RAP1A: variants seen among roughly 807,000 people sequenced by gnomAD.
RAP1A encodes the protein RAP1A, member of RAS oncogene family.
Under a neutral mutation model 26.4 loss-of-function variants are expected in RAP1A, and 6 were observed. The observed-to-expected ratio is 0.23, with a 90% CI of 0.12 to 0.45. RAP1A has a LOEUF of 0.45. Among genes scored for constraint, RAP1A ranks in the 20% least tolerant of loss-of-function variants. RAP1A has a pLI of 0.99. For missense variants in RAP1A, 121 were observed against 217.2 expected (o/e 0.56, Z 2.78); for synonymous variants, 73 against 79.4 (o/e 0.92, Z 0.43).
At chr1:111,569,770 G>A (rs1658011039) in intron 1 of RAP1A, among the ~76,000 whole-genome samples, 1 of 152,002 alleles carries the variant, frequency 6.6e-6, no homozygotes, top group Non-Finnish European at 1.5e-5. Flanking sequence ...GATAGTGTTT[G>A]GTATACATGT....
At chr1:111,669,026 G>GAAAAAAAAAAAAAAAAAAAAAAAAA (rs58557062) in intron 1 of RAP1A, among the ~76,000 whole-genome samples, 1 of 19,846 alleles carries the variant, frequency 5.0e-5, no homozygotes, top group African/African-American at 1.4e-4. Flanking sequence ...CCTATCTCAA[G>GAAAAAAAAAAAAAAAAAAAAAAAAA]AAAAAAAAAA....
upstream of RAP1A, among the ~76,000 whole-genome samples, chr1:111,618,907 C>T (rs571542295): frequency 2.0e-5 from 3 of 152,336 alleles, no homozygotes; most frequent in South Asian, 2.1e-4. Flanking sequence ...TTACTGGTAT[C>T]CCAAGGACAT....
At chr1:111,626,380 C>T (rs1214303769) in intron 1 of RAP1A, among the ~76,000 whole-genome samples, 1 of 150,946 alleles carries the variant, frequency 6.6e-6, no homozygotes, top group African/African-American at 2.5e-5. Context: ...TACACACACA[C>T]ACACACACAC....
intron 1 of RAP1A, among the ~76,000 whole-genome samples, chr1:111,636,463 TA>T (rs1250711266): frequency 2.0e-5 from 3 of 151,892 alleles, no homozygotes; most frequent in Non-Finnish European, 4.4e-5. Context: ...GTGTGTTTGG[TA>T]GTTTGTGAAG....
At chr1:111,665,695 G>A (rs1660780507) in intron 1 of RAP1A, among the ~76,000 whole-genome samples, 1 of 152,180 alleles carries the variant, frequency 6.6e-6, no homozygotes, top group Admixed American at 6.5e-5. Context: ...AACAGGATAT[G>A]CATTCACTGT....
chr1:111,656,722 C>G (rs548354097), intron 1 of RAP1A, among the ~76,000 whole-genome samples: 30 of 152,046 alleles, frequency 2.0e-4, no homozygotes, highest in African/African-American at 7.2e-4. Context: ...GGTTCCCCCC[C>G]GCCACTGCCT....
At chr1:111,655,576 T>A in intron 1 of RAP1A, among the ~76,000 whole-genome samples, 1 of 151,198 alleles carries the variant, frequency 6.6e-6, no homozygotes, top group Non-Finnish European at 1.5e-5. Context: ...AGGGATATGG[T>A]GAAATGGGAC....
At chr1:111,610,517 C>T (rs1221284976) in intron 1 of RAP1A, among the ~76,000 whole-genome samples, 1 of 148,808 alleles carries the variant, frequency 6.7e-6, no homozygotes, top group Non-Finnish European at 1.5e-5. Context: ...TCCTATTCCA[C>T]TACTTCCCTC....
At chr1:111,598,308 G>A (rs1658596690) in intron 1 of RAP1A, among the ~76,000 whole-genome samples, 1 of 152,012 alleles carries the variant, frequency 6.6e-6, no homozygotes, top group East Asian at 1.9e-4. Context: ...AACAACCCTA[G>A]GAGGTAGATA....
chr1:111,555,446 GTAATAATTAAA>G (rs1234449786), intron 1 of RAP1A, among the ~76,000 whole-genome samples: 1 of 143,590 alleles, frequency 7.0e-6, no homozygotes, highest in Non-Finnish European at 1.5e-5. Flanking sequence ...AATTTTTAAT[GTAATAATTAAA>G]TTTGAAACTC....
chr1:111,715,325 C>CCG lies in RAP1A; in HGVS notation c.*2925_*2926insGC, dbSNP rs1315542844. 1 of 151,230 alleles carries CCG rather than the reference C, an allele frequency of 6.6e-6. No individual in the cohort carries two copies. Among genetic ancestry groups the CCG allele is most frequent in the Non-Finnish European group, 1.5e-5 (1 of 67,728 alleles). 9.4% of individuals were successfully genotyped at this position (151,230 alleles called of 1,614,324 possible). A position where few individuals can be genotyped will look rare whatever the true frequency, so the allele number is the denominator to read the frequency against. On this transcript the variant is annotated 3_prime_UTR_variant, in exon 8 of 8. Coordinates refer to ENST00000369709, the MANE Select transcript of RAP1A (RefSeq NM_002884.4). ...ACTCCTGACTTCGTGATCCGCCCCC[C>CCG]CCTCAGCCTCCCAAAGTGCTGGGAT... is the stretch of plus-strand genomic sequence containing the variant.
At chr1:111,670,823 A>G (rs1220287619) in intron 1 of RAP1A, among the ~76,000 whole-genome samples, 1 of 152,242 alleles carries the variant, frequency 6.6e-6, no homozygotes, top group Non-Finnish European at 1.5e-5. Flanking sequence ...ATAATTTCAG[A>G]TGGTAGATTA....
chr1:111,605,200 A>T (rs1050119908), intron 1 of RAP1A, among the ~76,000 whole-genome samples: 132 of 152,344 alleles, frequency 8.7e-4, no homozygotes, highest in African/African-American at 3.2e-3. Context: ...TGGCTTGTGA[A>T]TCACTTTGGC....
intron 1 of RAP1A, chr1:111,648,629 G>C (rs556948117): frequency 3.8e-6 from 2 of 521,638 alleles, no homozygotes; most frequent in East Asian, 9.0e-5. Context: ...TCTACAAACT[G>C]GCCTTCACAT....
chr1:111,696,660 G>A (rs1661838495), intron 3 of RAP1A, among the ~76,000 whole-genome samples: 1 of 152,160 alleles, frequency 6.6e-6, no homozygotes, highest in Non-Finnish European at 1.5e-5. Context: ...GCTAGTTAAA[G>A]CTTTAACTGC....
chr1:111,600,556 TAGAG>T (rs1243025865), intron 1 of RAP1A, among the ~76,000 whole-genome samples: 1 of 152,104 alleles, frequency 6.6e-6, no homozygotes, highest in Non-Finnish European at 1.5e-5. Flanking sequence ...TGAAATCAAT[TAGAG>T]AGCATCAAGA....
At chr1:111,659,557 A>C (rs1660569480) in intron 1 of RAP1A, among the ~76,000 whole-genome samples, 1 of 150,730 alleles carries the variant, frequency 6.6e-6, no homozygotes, top group African/African-American at 2.4e-5. Flanking sequence ...TTTAGGGTAC[A>C]TGTGCACATT....
chr1:111,658,066 A>G (rs766765704), intron 1 of RAP1A, among the ~76,000 whole-genome samples: 1 of 152,186 alleles, frequency 6.6e-6, no homozygotes, highest in Non-Finnish European at 1.5e-5. Context: ...TGTTTCGTGT[A>G]CACTTGAAAA....
At chr1:111,650,242 A>C (rs947917757) in intron 1 of RAP1A, among the ~76,000 whole-genome samples, 1 of 152,026 alleles carries the variant, frequency 6.6e-6, no homozygotes, top group African/African-American at 2.4e-5. Flanking sequence ...ACTTGCCCTG[A>C]GATAAATAGC....
Sources: gnomAD v4.1 joint callset for allele counts (sites outside exome capture counted in the v4.1 genomes callset) on GRCh38, gnomAD v4.1.1 for gene constraint, MANE v1.5 for transcripts, NCBI Gene and HGNC (gene_info 2026-07-23, HGNC 2026-07-21) for gene names.